The following GFUS variants were observed in gnomAD, a reference collection of about 807,000 sequenced individuals.
GFUS encodes the protein GDP-L-fucose synthase.
GFUS carries 42 observed loss-of-function variants against 41.5 expected under a neutral mutation model. The observed-to-expected ratio is 1.01, with a 90% CI of 0.79 to 1.31. GFUS has a LOEUF of 1.31. Ranked by LOEUF, GFUS falls within the 50% of genes most tolerant of loss-of-function variation. The pLI is 0.00. For missense variants in GFUS, 437 were observed against 428.7 expected, an observed-to-expected ratio of 1.02 and a Z score of -0.17; for synonymous variants, 188 against 173.4, an observed-to-expected ratio of 1.08 and a Z score of -0.66.
intron 8 of GFUS, 29 bp downstream of exon 8, chr8:143,613,722 G>A (rs781689823): frequency 2.6e-6 from 4 of 1,554,896 alleles, no homozygotes; most frequent in Non-Finnish European, 3.5e-6. Flanking sequence ...CTACCATGGA[G>A]GAAGGGGGCT....
In GFUS at chr8:143,612,822, G is replaced by A. The variant is rs1436393898; in HGVS notation, c.*88C>T. 2.0e-6 allele frequency: 3 copies of A among 1,482,978 alleles called. No homozygotes were observed. Among genetic ancestry groups the A allele is most frequent in the South Asian group, 2.4e-5 (2 of 82,624 alleles). 91.9% of individuals were successfully genotyped at this position (1,482,978 alleles called of 1,614,324 possible). A position where few individuals can be genotyped will look rare whatever the true frequency, so the allele number is the denominator to read the frequency against. Reference sequence around the variant, plus strand: ...ATGCAGGCCCAGGTTGCTGGGTGGTGCCCTCAGCTCCTGGCAGGGTTGACG... The same window carrying A: ...ATGCAGGCCCAGGTTGCTGGGTGGTACCCTCAGCTCCTGGCAGGGTTGACG... On this transcript the variant is annotated 3_prime_UTR_variant, in exon 11 of 11. Transcript: ENST00000425753.
At position 143,612,706 on chromosome 8, in the gene GFUS, C is replaced by A; in HGVS notation, c.*204G>T. 1 of 634,748 alleles carries A rather than the reference C, an allele frequency of 1.6e-6. No homozygotes were observed. Among genetic ancestry groups the A allele is most frequent in the East Asian group, 2.7e-5 (1 of 36,588 alleles). The allele number at this position is 634,748 out of a possible 1,614,324, so 39.3% of individuals were successfully genotyped here. A position where few individuals can be genotyped will look rare whatever the true frequency, so the allele number is the denominator to read the frequency against. ...CAGGGGGCTGGTGTGGGGAGCAAAG[C>A]GCCGGGCCTGCCCGGGACCCTGGTT... On this transcript the variant is annotated 3_prime_UTR_variant, in exon 11 of 11. Transcript: ENST00000425753.
chr8:143,616,768 C>T, intron 1 of GFUS, 45 bp from the exon 2 acceptor site: 2 of 1,607,422 alleles, frequency 1.2e-6, no homozygotes, highest in South Asian at 2.2e-5. Flanking sequence ...ACGCTCTCAT[C>T]CTTTGGAGCC....
chr8:143,613,765 G>C lies in GFUS; in HGVS notation c.716C>G (p.Pro239Arg). 6.4e-7 allele frequency: 1 copy of C among 1,551,114 alleles called. No homozygotes were observed. The highest frequency in any genetic ancestry group is 8.7e-7 in the Non-Finnish European group (1 of 1,147,064). The change falls in exon 8 of 11, where the codon CCC becomes CGC. Residue 239 changes from proline (P) to arginine (R), a missense_variant. Coordinates refer to ENST00000425753, the MANE Select transcript of GFUS (RefSeq NM_003313.4). ...GAGGTACCCACCGGAGAGGATGATG[G>C]GCTCCACTTCATTGTACTCCCGCAG... ...WVLREYNEVE[P>R]IILSVGEEDE...
In GFUS at chr8:143,614,744, A is replaced by G. The variant is rs112012509; in HGVS notation, c.390+43T>C. 1,030 of 1,612,804 alleles carry G rather than the reference A, an allele frequency of 6.4e-4. 12 individuals are homozygous for G. The African/African-American group carries it at 0.012, about 19-fold the overall frequency. ...AGGCCGCTACTTCCTGGCCCTGCCC[A>G]CCGGCTCCCCGGCCCCACCCACAGC... On this transcript the variant is annotated intron_variant, in intron 4 of 10. Transcript: ENST00000425753.
chr8:143,616,834 A>C (rs1292698395), intron 1 of GFUS, 111 bp from the exon 2 acceptor site: 1 of 1,336,222 alleles, frequency 7.5e-7, no homozygotes. Flanking sequence ...GGCATAGTCC[A>C]CTGGCAACCA....
At chr8:143,613,657 A>C (rs1011104818) in intron 8 of GFUS, 54 bp from the exon 9 acceptor site, 8 of 1,596,546 alleles carry the variant, frequency 5.0e-6, no homozygotes, top group Non-Finnish European at 6.8e-6. Flanking sequence ...ACGGCCCATG[A>C]ATATTCCTGC....
At chr8:143,617,294 G>A (rs549904389) in intron 1 of GFUS, 180 bp downstream of exon 1, 5 of 154,950 alleles carry the variant, frequency 3.2e-5, no homozygotes, top group African/African-American at 7.2e-5. Context: ...CCTTAGGGGA[G>A]GGGGCCCTGC....
At position 143,614,396 on chromosome 8, in the gene GFUS, G is replaced by A. The variant is rs781426012; in HGVS notation, c.522C>T (p.Phe174=). Residue 174 remains phenylalanine, a synonymous_variant, in exon 6 of 11, where the codon TTC becomes TTT. Coordinates refer to ENST00000425753, the MANE Select transcript of GFUS (RefSeq NM_003313.4). Reference sequence around the variant, plus strand: ...CGATGTTGAAGTTGTCGTGGGGCCCGAAGACGTTGGTGGGGATGACAGCGG... The same window carrying A: ...CGATGTTGAAGTTGTCGTGGGGCCCAAAGACGTTGGTGGGGATGACAGCGG... The part of the protein sequence containing the change: ...TFTAVIPTNV[F]GPHDNFNIED... The A allele has an allele frequency of 1.1e-5, 18 of 1,613,858 alleles. No homozygotes were observed. The highest frequency in any genetic ancestry group is 6.7e-5 in the Admixed American group (4 of 59,994).
intron 7 of GFUS, 73 bp downstream of exon 7, chr8:143,614,091 C>T: frequency 6.3e-7 from 1 of 1,587,342 alleles, no homozygotes; most frequent in Non-Finnish European, 8.6e-7. Flanking sequence ...ACCTCCCCGA[C>T]AGCCCAGCAG....
At chr8:143,617,050 C>A in intron 1 of GFUS, 1 of 345,550 alleles carries the variant, frequency 2.9e-6, no homozygotes, top group South Asian at 3.9e-5. Flanking sequence ...GGGACGGGGG[C>A]TCCTGGCACA....
In GFUS at chr8:143,612,702, A is replaced by G; in HGVS notation, c.*208T>C. 1 of 626,760 alleles carries G rather than the reference A, an allele frequency of 1.6e-6. No individual in the cohort carries two copies. Among genetic ancestry groups the G allele is most frequent in the Non-Finnish European group, 2.8e-6 (1 of 356,092 alleles). The allele number at this position is 626,760 out of a possible 1,614,324, so 38.8% of individuals were successfully genotyped here. ...CGCGCAGGGGGCTGGTGTGGGGAGC[A>G]AAGCGCCGGGCCTGCCCGGGACCCT... On this transcript the variant is annotated 3_prime_UTR_variant, in exon 11 of 11. Transcript: ENST00000425753.
chr8:143,614,345 G>A lies in GFUS; in HGVS notation c.573C>T (p.Leu191=). The change falls in exon 6 of 11, where the codon CTC becomes CTT. Residue 191 remains leucine, a synonymous_variant. Transcript: ENST00000425753. ...TCTTGGCCAGGTGCACCTTGTGGAT[G>A]AGGCCAGGCAGCACGTGGCCATCCT... ...NIEDGHVLPG[L]IHKVHLAKSS... 6.2e-7 allele frequency: 1 copy of A among 1,613,746 alleles called. No homozygotes were observed. Among genetic ancestry groups the A allele is most frequent in the Non-Finnish European group, 8.5e-7 (1 of 1,179,870 alleles).
At position 143,614,458 on chromosome 8, in the gene GFUS, G is replaced by A. The variant is rs764536726; in HGVS notation, c.465-5C>T. On this transcript the variant is annotated splice_region_variant and splice_polypyrimidine_tract_variant and intron_variant, in intron 5 of 10. Transcript: ENST00000425753. ...CCGTACTGCTGGAAGTAGGCCCTGC[G>A]GAGGCACAGCGTCTCCTGCCCTCGT... 25 of 1,609,182 alleles carry A rather than the reference G, an allele frequency of 1.6e-5. No individual in the cohort carries two copies. In the East Asian group the frequency reaches 3.8e-4, roughly 24 times the overall value.
chr8:143,614,608 G>T lies in GFUS; in HGVS notation c.464+16C>A. 2.5e-6 allele frequency: 4 copies of T among 1,574,738 alleles called. No individual in the cohort carries two copies. Among genetic ancestry groups the T allele is most frequent in the Non-Finnish European group, 3.5e-6 (4 of 1,154,992 alleles). On this transcript the variant is annotated intron_variant, in intron 5 of 10. Coordinates refer to ENST00000425753, the MANE Select transcript of GFUS (RefSeq NM_003313.4). ...CCCGACTCCTGGCTGGGCCTCAGCA[G>T]GATGGGCGCGAGGACCTGTTCTGCA...
chr8:143,613,441 C>T, intron 9 of GFUS, 83 bp downstream of exon 9: 1 of 1,525,164 alleles, frequency 6.6e-7, no homozygotes, highest in Non-Finnish European at 9.0e-7. Context: ...CAGTGTCCCA[C>T]CCACGCTGGC....
chr8:143,617,769 C>G (rs1170376163), upstream of GFUS, among the ~76,000 whole-genome samples: 1 of 152,096 alleles, frequency 6.6e-6, no homozygotes, highest in African/African-American at 2.4e-5. Context: ...CTGCTTGGGA[C>G]GGCGGAAGGA....
upstream of GFUS, chr8:143,617,698 G>C (rs1563689447): frequency 6.6e-6 from 1 of 152,058 alleles, no homozygotes. Context: ...CGCGCGGGCG[G>C]GTCCCCGGAC....
At chr8:143,616,275 G>A in intron 2 of GFUS, 55 bp from the exon 3 acceptor site, 1 of 1,548,488 alleles carries the variant, frequency 6.5e-7, no homozygotes, top group Non-Finnish European at 8.9e-7. Flanking sequence ...CCCCAGGGTT[G>A]GGTGCCAAGT....
Sources: gnomAD v4.1 joint callset for allele counts (sites outside exome capture counted in the v4.1 genomes callset) on GRCh38, gnomAD v4.1.1 for gene constraint, MANE v1.5 for transcripts, NCBI Gene and HGNC (gene_info 2026-07-23, HGNC 2026-07-21) for gene names.